The following CDH13 variants were observed in gnomAD, a reference collection of about 807,000 sequenced individuals.
CDH13 encodes cadherin 13.
Under a neutral mutation model 63.8 loss-of-function variants are expected in CDH13, and 24 were observed. That is an observed-to-expected ratio of 0.38 (90% CI 0.27 to 0.53). The LOEUF (loss-of-function observed/expected upper bound fraction) is 0.53. Ranked by LOEUF, CDH13 falls within the 20% of genes least tolerant of loss-of-function variation. The probability of loss-of-function intolerance (pLI) is 0.85; values close to 1 mark genes in which losing one functional copy is unlikely to be tolerated. For synonymous variants in CDH13, 503 were observed against 355.3 expected, an observed-to-expected ratio of 1.42 and a Z score of -4.67; for missense variants, 1,049 against 903.1, an observed-to-expected ratio of 1.16 and a Z score of -2.07.
chr16:82,890,097 C>T (rs2041026042), intron 2 of CDH13, among the ~76,000 whole-genome samples: 1 of 152,186 alleles, frequency 6.6e-6, no homozygotes, highest in African/African-American at 2.4e-5. Flanking sequence ...AGTAAGTCTC[C>T]CAGCCTTCGT....
At chr16:83,794,714 C>T (rs1916491449) in intron 13 of CDH13, among the ~76,000 whole-genome samples, 1 of 151,708 alleles carries the variant, frequency 6.6e-6, no homozygotes, top group Admixed American at 6.6e-5. Context: ...CATAAAATAG[C>T]CAAGCTCTGT....
intron 2 of CDH13, among the ~76,000 whole-genome samples, chr16:82,875,374 C>G (rs2040470001): frequency 6.6e-6 from 1 of 152,062 alleles, no homozygotes; most frequent in African/African-American, 2.4e-5. Context: ...CTGACTAACT[C>G]AAGACTTTAA....
intron 5 of CDH13, among the ~76,000 whole-genome samples, chr16:83,299,928 C>G (rs899796076): frequency 6.6e-6 from 1 of 152,190 alleles, no homozygotes; most frequent in Non-Finnish European, 1.5e-5. Flanking sequence ...ACAATCATCC[C>G]AAATTCAGAT....
chr16:83,179,704 C>A (rs1267577915), intron 4 of CDH13, among the ~76,000 whole-genome samples: 1 of 151,798 alleles, frequency 6.6e-6, no homozygotes, highest in Non-Finnish European at 1.5e-5. Context: ...AGTAACCTGC[C>A]TGAAGTCACA....
At chr16:83,415,163 A>C (rs1037229281) in intron 6 of CDH13, among the ~76,000 whole-genome samples, 7 of 152,090 alleles carry the variant, frequency 4.6e-5, no homozygotes, top group African/African-American at 1.7e-4. Context: ...ATGAAAAAAA[A>C]ACCTAGGTAA....
intron 7 of CDH13, among the ~76,000 whole-genome samples, chr16:83,543,059 C>T (rs1473220620): frequency 2.0e-5 from 3 of 152,234 alleles, no homozygotes; most frequent in African/African-American, 7.2e-5. Flanking sequence ...AGTGCAAAGA[C>T]AACATTCCTT....
At chr16:83,532,536 G>C (rs978554705) in intron 7 of CDH13, among the ~76,000 whole-genome samples, 2 of 152,214 alleles carry the variant, frequency 1.3e-5, no homozygotes, top group African/African-American at 4.8e-5. Flanking sequence ...TGCATCCAGA[G>C]TGCCTAGCTC....
chr16:83,342,415 T>C (rs1408793642), intron 5 of CDH13, among the ~76,000 whole-genome samples: 1 of 152,224 alleles, frequency 6.6e-6, no homozygotes, highest in Non-Finnish European at 1.5e-5. Context: ...TAATTTTTAT[T>C]AAATTAACTT....
chr16:82,790,176 C>A (rs923065294), intron 1 of CDH13, among the ~76,000 whole-genome samples: 59 of 152,124 alleles, frequency 3.9e-4, no homozygotes, highest in African/African-American at 1.3e-3. Context: ...GTATCTCATA[C>A]CTATAATCCC....
At chr16:83,358,147 T>C (rs769097815) in intron 6 of CDH13, among the ~76,000 whole-genome samples, 3 of 152,182 alleles carry the variant, frequency 2.0e-5, no homozygotes, top group African/African-American at 7.2e-5. Flanking sequence ...GGTGTCCGTA[T>C]GAAGACTGTA....
intron 6 of CDH13, among the ~76,000 whole-genome samples, chr16:83,459,230 T>C (rs1189064484): frequency 6.6e-6 from 1 of 152,228 alleles, no homozygotes; most frequent in Admixed American, 6.5e-5. Context: ...TTTGTTAGCA[T>C]TGGGATGCAG....
intron 3 of CDH13, among the ~76,000 whole-genome samples, chr16:83,054,933 G>A: frequency 6.6e-6 from 1 of 152,162 alleles, no homozygotes; most frequent in South Asian, 2.1e-4. Flanking sequence ...ATATATTGTA[G>A]GCTGGTCATA....
At chr16:83,148,722 G>A (rs1179405978) in intron 4 of CDH13, among the ~76,000 whole-genome samples, 2 of 152,206 alleles carry the variant, frequency 1.3e-5, no homozygotes, top group Non-Finnish European at 2.9e-5. Context: ...GTACGTAGGA[G>A]TTTTAGCAGG....
chr16:82,837,785 C>T (rs995804904), intron 1 of CDH13, among the ~76,000 whole-genome samples: 3 of 152,182 alleles, frequency 2.0e-5, no homozygotes, highest in Non-Finnish European at 4.4e-5. Context: ...ATTCCTGACT[C>T]CCGGAAGAAA....
At chr16:83,406,147 T>C (rs1368932989) in intron 6 of CDH13, among the ~76,000 whole-genome samples, 2 of 152,184 alleles carry the variant, frequency 1.3e-5, no homozygotes, top group Non-Finnish European at 2.9e-5. Context: ...AGTGGATCAA[T>C]GCCCAGGCCC....
chr16:83,751,600 G>C (rs991290565), intron 11 of CDH13, among the ~76,000 whole-genome samples: 3 of 152,180 alleles, frequency 2.0e-5, no homozygotes, highest in African/African-American at 7.2e-5. Flanking sequence ...AAGTTAGTTG[G>C]GGAAAAGTCA....
In CDH13 at chr16:83,032,146, A is replaced by C; in HGVS notation, c.294A>C (p.Ala98=). The C allele has an allele frequency of 6.2e-7, 1 of 1,613,734 alleles. No homozygotes were observed. The highest frequency in any genetic ancestry group is 8.5e-7 in the Non-Finnish European group (1 of 1,179,802). Residue 98 remains alanine (A), a synonymous_variant, in exon 3 of 14, where the codon GCA becomes GCC. Coordinates refer to ENST00000567109, the MANE Select transcript of CDH13 (RefSeq NM_001257.5). Reference sequence around the variant, plus strand: ...TGGGCAAAACTCTGTTCGTCCATGCACGGACCCCCCATGCGGAAGATATGG... The same window carrying C: ...TGGGCAAAACTCTGTTCGTCCATGCCCGGACCCCCCATGCGGAAGATATGG... ...TAVGKTLFVH[A]RTPHAEDMAE...
intron 7 of CDH13, among the ~76,000 whole-genome samples, chr16:83,538,858 A>G (rs2075245593): frequency 6.6e-6 from 1 of 152,196 alleles, no homozygotes; most frequent in Admixed American, 6.5e-5. Flanking sequence ...AAGGTATATT[A>G]ATATAAAATT....
At chr16:83,559,813 C>T (rs7189882) in intron 7 of CDH13, among the ~76,000 whole-genome samples, 116,790 of 152,086 alleles carry the variant, frequency 0.77, 44,800 homozygotes, top group Middle Eastern at 0.85. Flanking sequence ...CCGAAGGCAC[C>T]ACAGCGTCTT....
Sources: gnomAD v4.1 joint callset for allele counts (sites outside exome capture counted in the v4.1 genomes callset) on GRCh38, gnomAD v4.1.1 for gene constraint, MANE v1.5 for transcripts, NCBI Gene and HGNC (gene_info 2026-07-23, HGNC 2026-07-21) for gene names.